LNX2: variants seen among roughly 807,000 people sequenced by gnomAD.
The protein encoded by LNX2 is ligand of numb-protein X 2, also known as ligand of Numb protein X 2.
A neutral mutation model predicts 66.2 loss-of-function variants in LNX2; 35 were observed. The observed-to-expected ratio is 0.53, with a 90% CI of 0.40 to 0.70. The LOEUF is 0.70. Ranked by LOEUF, LNX2 falls within the 30% of genes least tolerant of loss-of-function variation. The pLI is 0.00. For missense variants in LNX2, 791 were observed against 850.8 expected, an observed-to-expected ratio of 0.93 and a Z score of 0.87; for synonymous variants, 337 against 315.6, an observed-to-expected ratio of 1.07 and a Z score of -0.72.
chr13:27,557,118 A>G (rs1955071052), intron 6 of LNX2, among the ~76,000 whole-genome samples: 1 of 152,188 alleles, frequency 6.6e-6, no homozygotes, highest in Admixed American at 6.5e-5. Flanking sequence ...TTTCTTTTGA[A>G]TTAGAATTCA....
At chr13:27,548,492 C>A (rs1954969921) in intron 9 of LNX2, 22 bp from the exon 10 acceptor site, 1 of 1,595,704 alleles carries the variant, frequency 6.3e-7, no homozygotes, top group Non-Finnish European at 8.5e-7. Flanking sequence ...GAGACAGATA[C>A]AGAATGTTAC....
rs558410974 is a variant in LNX2 at position 27,601,851 on chromosome 13, G to C, written c.-101+18524C>G. On this transcript the variant is annotated intron_variant, in intron 1 of 9. Transcript: ENST00000316334. ...ACAGGCGTGTTGAACCATTGCACCT[G>C]ACCTTCCCAACAATTTACTATGAAC... Among the ~76,000 whole-genome samples, 196 of 152,018 alleles carry C rather than the reference G, an allele frequency of 1.3e-3. 1 individual carries two copies. Among genetic ancestry groups the C allele is most frequent in the Non-Finnish European group, 6.2e-4 (42 of 67,968 alleles).
At chr13:27,588,064 AC>A (rs1955511028) in intron 1 of LNX2, among the ~76,000 whole-genome samples, 1 of 149,182 alleles carries the variant, frequency 6.7e-6, no homozygotes, top group Non-Finnish European at 1.5e-5. Flanking sequence ...GTGCTGTCAA[AC>A]TTGTTTGACT....
intron 1 of LNX2, among the ~76,000 whole-genome samples, chr13:27,619,691 T>C (rs1422637856): frequency 2.6e-5 from 4 of 152,234 alleles, no homozygotes; most frequent in Non-Finnish European, 5.9e-5. Context: ...ACTGAAATAC[T>C]AAAAGAAACA....
chr13:27,606,331 A>T (rs1955715428), intron 1 of LNX2, among the ~76,000 whole-genome samples: 1 of 150,708 alleles, frequency 6.6e-6, no homozygotes, highest in Non-Finnish European at 1.5e-5. Context: ...TATTGTGTTC[A>T]GCATTCCCTT....
intron 2 of LNX2, among the ~76,000 whole-genome samples, chr13:27,574,863 TCTC>T (rs1336573659): frequency 2.6e-5 from 4 of 152,186 alleles, no homozygotes; most frequent in Non-Finnish European, 5.9e-5. Context: ...TCTGCTGATT[TCTC>T]TTCAGAAACC....
chr13:27,584,073 CTG>C (rs751032479), intron 1 of LNX2, among the ~76,000 whole-genome samples: 26 of 152,092 alleles, frequency 1.7e-4, no homozygotes, highest in Admixed American at 1.2e-3. Context: ...GCAGGTAAAA[CTG>C]TGCAGCAAAG....
At chr13:27,613,858 A>AT (rs1179905820) in intron 1 of LNX2, among the ~76,000 whole-genome samples, 1 of 152,240 alleles carries the variant, frequency 6.6e-6, no homozygotes, top group Non-Finnish European at 1.5e-5. Context: ...GTCTTTTAAG[A>AT]TTTTAAATAC....
At chr13:27,566,136 C>T (rs1955202661) in intron 4 of LNX2, among the ~76,000 whole-genome samples, 2 of 152,180 alleles carry the variant, frequency 1.3e-5, no homozygotes, top group Admixed American at 6.5e-5. Context: ...AAACAATTCT[C>T]TGTAACTCAT....
chr13:27,593,666 C>T (rs1380341927), intron 1 of LNX2, among the ~76,000 whole-genome samples: 1 of 147,430 alleles, frequency 6.8e-6, no homozygotes, highest in Non-Finnish European at 1.5e-5. Flanking sequence ...CTCCTGGGTT[C>T]AAGCGATTCT....
chr13:27,599,675 G>A (rs1593261326), intron 1 of LNX2, among the ~76,000 whole-genome samples: 1 of 152,278 alleles, frequency 6.6e-6, no homozygotes, highest in East Asian at 1.9e-4. Context: ...TATCTTGTAG[G>A]AATAGAATAG....
intron 2 of LNX2, among the ~76,000 whole-genome samples, chr13:27,570,624 GA>G (rs1432149451): frequency 6.6e-6 from 1 of 151,986 alleles, no homozygotes; most frequent in Admixed American, 6.6e-5. Flanking sequence ...ATTAGATCAT[GA>G]AAAAAATTAC....
chr13:27,556,501 A>C lies in LNX2; in HGVS notation c.1369-88T>G, dbSNP rs1171130002. The C allele has an allele frequency of 4.8e-6, 5 of 1,051,446 alleles. No individual in the cohort carries two copies. In the Admixed American group the frequency reaches 7.5e-5, roughly 16 times the overall value. The allele number at this position is 1,051,446 out of a possible 1,614,324, so 65.1% of individuals were successfully genotyped here. ...ACTTCAAACTAAGGTAATAACTTACATGGCATTTATAAAGTAATTATTTTT... is the reference window on the plus strand; with the variant it reads ...ACTTCAAACTAAGGTAATAACTTACCTGGCATTTATAAAGTAATTATTTTT... On this transcript the variant is annotated intron_variant, in intron 6 of 9. Transcript: ENST00000316334.
At chr13:27,573,139 T>G (rs938232049) in intron 2 of LNX2, among the ~76,000 whole-genome samples, 23 of 152,060 alleles carry the variant, frequency 1.5e-4, no homozygotes, top group African/African-American at 4.8e-4. Context: ...GCATTTGAGT[T>G]TACCCTATTT....
chr13:27,594,180 TTC>T lies in LNX2; in HGVS notation c.-100-12379_-100-12378del, dbSNP rs1219567469. ...TTTTATAGTTGAAAATATTTCATTG[TTC>T]TTTTAATTTGCATCTTTTTTAGTCC... On this transcript the variant is annotated intron_variant, in intron 1 of 9. Coordinates refer to ENST00000316334, the MANE Select transcript of LNX2 (RefSeq NM_153371.4). 2.0e-5 allele frequency among the ~76,000 whole-genome samples: 3 copies of T among 152,234 alleles called. No individual in the cohort carries two copies. The East Asian group carries it at 5.8e-4, about 29-fold the overall frequency.
In LNX2 at chr13:27,583,208, G is replaced by A. The variant is rs1955425888; in HGVS notation, c.-100-1405C>T. Among the ~76,000 whole-genome samples, 43 of 18,078 alleles carry A rather than the reference G, an allele frequency of 2.4e-3. 10 individuals carry two copies. Among genetic ancestry groups the A allele is most frequent in the Non-Finnish European group, 3.6e-3 (37 of 10,364 alleles). The allele number at this position is 18,078 out of a possible 152,430, so 11.9% of individuals were successfully genotyped here. On this transcript the variant is annotated intron_variant, in intron 1 of 9. Coordinates refer to ENST00000316334, the MANE Select transcript of LNX2 (RefSeq NM_153371.4). ...TGTGTGTGTGTGTGTGTGTGTGTGT[G>A]TGTGTGTGTGTGTGTGTGTGTGTGT...
At chr13:27,583,947 T>C (rs1593253478) in intron 1 of LNX2, among the ~76,000 whole-genome samples, 2 of 150,478 alleles carry the variant, frequency 1.3e-5, no homozygotes, top group African/African-American at 4.9e-5. Flanking sequence ...GACTGCTGAG[T>C]TGTGACAGGA....
intron 1 of LNX2, among the ~76,000 whole-genome samples, chr13:27,614,141 A>G (rs1566135501): frequency 6.6e-6 from 1 of 152,228 alleles, no homozygotes; most frequent in East Asian, 1.9e-4. Flanking sequence ...AAATGGTAAC[A>G]GCTCTTCCCC....
chr13:27,593,713 G>A (rs550637222), intron 1 of LNX2, among the ~76,000 whole-genome samples: 1 of 149,214 alleles, frequency 6.7e-6, no homozygotes, highest in South Asian at 2.1e-4. Flanking sequence ...GATTACAGGC[G>A]CCCACCACCA....
Sources: allele counts gnomAD v4.1 joint callset (sites outside exome capture counted in the v4.1 genomes callset), GRCh38; gene constraint gnomAD v4.1.1; transcripts MANE v1.5; gene names NCBI Gene and HGNC (gene_info 2026-07-23, HGNC 2026-07-21).